The following LRFN2 variants were observed in gnomAD, a reference collection of about 807,000 sequenced individuals.
LRFN2 encodes leucine-rich repeat and fibronectin type-III domain-containing protein 2.
In LRFN2, 18 loss-of-function variants were observed where a neutral mutation model predicts 37.3. The observed-to-expected ratio is 0.48, with a 90% confidence interval of 0.33 to 0.72. LRFN2 has a LOEUF of 0.72. Among genes scored for constraint, LRFN2 ranks in the 30% least tolerant of loss-of-function variants. The probability of loss-of-function intolerance (pLI) is 0.02; values close to 1 mark genes in which losing one functional copy is unlikely to be tolerated. For missense variants in LRFN2, 1,006 were observed against 1,060.7 expected, an observed-to-expected ratio of 0.95 and a Z score of 0.72; for synonymous variants, 556 against 466.6, an observed-to-expected ratio of 1.19 and a Z score of -2.47.
intron 2 of LRFN2, among the ~76,000 whole-genome samples, chr6:40,427,381 C>T (rs191617931): frequency 2.0e-4 from 30 of 152,330 alleles, no homozygotes; most frequent in Admixed American, 1.6e-3. Context: ...ATGACTGTGA[C>T]GTGCTCTGTT....
Position 40,432,395 on chromosome 6 carries a change from C to T in LRFN2, c.719G>A (p.Gly240Glu). 1 of 1,614,128 alleles carries T rather than the reference C, an allele frequency of 6.2e-7. No individual in the cohort carries two copies. The highest frequency in any genetic ancestry group is 8.5e-7 in the Non-Finnish European group (1 of 1,180,036). Residue 240 changes from glycine (G) to glutamate (E), a missense_variant, in exon 2 of 3, where the codon GGG becomes GAG. This residue lies in a region of LRFN2 where 303 missense variants were observed against 299.8 expected (regional missense o/e 1.01). Transcript: ENST00000338305. ...ACAATTGCAGTGAAGTGGGTTACCC[C>T]CAAAACTAAAGGACAAGGGTGGGGC... The part of the protein sequence containing the change: ...PFAPPLSFSF[G>E]GNPLHCNCEL...
In LRFN2 at chr6:40,392,260, C is replaced by T; in HGVS notation, c.2053G>A (p.Gly685Arg). Residue 685 changes from glycine to arginine, a missense_variant, in exon 3 of 3, where the codon GGG becomes AGG. This residue lies in a region of LRFN2 where 398 missense variants were observed against 327.6 expected (regional missense o/e 1.21). Coordinates refer to ENST00000338305, the MANE Select transcript of LRFN2 (RefSeq NM_020737.3). The surrounding 1 kb of genome is among the most constrained non-coding windows in gnomAD (Gnocchi z 4.7). ...GAGTGGTGGCCCCGGGCCGACGTCC[C>T]AGCCCCTCTCCCGGCTGGAGTCCTG... ...DSRTPAGRGA[G>R]TSARGHHSDR... 1 of 1,593,688 alleles carries T rather than the reference C, an allele frequency of 6.3e-7. No homozygotes were observed. Among genetic ancestry groups the T allele is most frequent in the African/African-American group, 1.3e-5 (1 of 74,562 alleles).
intron 1 of LRFN2, among the ~76,000 whole-genome samples, chr6:40,443,968 G>T (rs1326192767): frequency 1.3e-5 from 2 of 152,156 alleles, no homozygotes; most frequent in Non-Finnish European, 2.9e-5. Context: ...GACAACCTAG[G>T]GCTGGGAGGG....
In LRFN2 at chr6:40,521,716, G is replaced by A. The variant is rs1655356; in HGVS notation, c.-19+65225C>T. Among the ~76,000 whole-genome samples the A allele has an allele frequency of 2.1e-3, 321 of 152,212 alleles. 2 individuals are homozygous for A. Among genetic ancestry groups the A allele is most frequent in the African/African-American group, 7.1e-3 (293 of 41,520 alleles). The stretch of plus-strand genomic sequence containing the variant: ...CTCAGGCTGGGCTGTACTGTATCAC[G>A]TGCTGGCAATGTCACCTTGACCCAC... On this transcript the variant is annotated intron_variant, in intron 1 of 2. Transcript: ENST00000338305.
intron 1 of LRFN2, among the ~76,000 whole-genome samples, chr6:40,434,430 CTGAT>C (rs1247966335): frequency 6.6e-6 from 1 of 151,846 alleles, no homozygotes; most frequent in East Asian, 1.9e-4. Flanking sequence ...ATGCAGCACA[CTGAT>C]TGTGTAGCAT....
At position 40,395,264 on chromosome 6, in the gene LRFN2, A is replaced by G. The variant is rs538000475; in HGVS notation, c.1401-2352T>C. Among the ~76,000 whole-genome samples the G allele has an allele frequency of 2.2e-4, 33 of 152,316 alleles. No homozygotes were observed. In the South Asian group the frequency reaches 6.8e-3, roughly 32 times the overall value. On this transcript the variant is annotated intron_variant, in intron 2 of 2. Transcript: ENST00000338305. The stretch of plus-strand genomic sequence containing the variant: ...ATCTGCCTGAGGTCACACAGCTGGG[A>G]CTGCTAGTATGCAGCAGTTGAGACC...
At chr6:40,514,230 T>C (rs1298292899) in intron 1 of LRFN2, among the ~76,000 whole-genome samples, 2 of 152,028 alleles carry the variant, frequency 1.3e-5, no homozygotes, top group Admixed American at 1.3e-4. Flanking sequence ...ATGCTCCAGA[T>C]AGTTTTGACC....
At chr6:40,454,525 T>C (rs1764194138) in intron 1 of LRFN2, among the ~76,000 whole-genome samples, 1 of 152,010 alleles carries the variant, frequency 6.6e-6, no homozygotes, top group African/African-American at 2.4e-5. Flanking sequence ...CTGGAGGGGG[T>C]ACGTGCAGAA....
chr6:40,505,782 T>A (rs953609355), intron 1 of LRFN2, among the ~76,000 whole-genome samples: 2 of 152,204 alleles, frequency 1.3e-5, no homozygotes, highest in Non-Finnish European at 2.9e-5. Flanking sequence ...TGTCTTAAGA[T>A]CATGCCTCCT....
chr6:40,397,631 T>G (rs1762643299), intron 2 of LRFN2, among the ~76,000 whole-genome samples: 1 of 152,140 alleles, frequency 6.6e-6, no homozygotes, highest in Admixed American at 6.5e-5. Context: ...CTTGCCCAGG[T>G]AGGAAAACAC....
chr6:40,536,965 C>T lies in LRFN2; in HGVS notation c.-19+49976G>A, dbSNP rs75943661. ...ACCTCCAAGCTTTCTTAAACCTCAC[C>T]ACAACACAATGAGATAGGGTTATTA... is the stretch of plus-strand genomic sequence containing the variant. On this transcript the variant is annotated intron_variant, in intron 1 of 2. Transcript: ENST00000338305. 5.0e-3 allele frequency among the ~76,000 whole-genome samples: 763 copies of T among 152,288 alleles called. 9 individuals carry two copies. Among genetic ancestry groups the T allele is most frequent in the African/African-American group, 0.017 (719 of 41,548 alleles).
chr6:40,457,410 A>G (rs919358346), intron 1 of LRFN2, among the ~76,000 whole-genome samples: 3 of 151,898 alleles, frequency 2.0e-5, no homozygotes, highest in Non-Finnish European at 4.4e-5. Flanking sequence ...ATGTATAAAT[A>G]TTTTCTGTTA....
intron 1 of LRFN2, among the ~76,000 whole-genome samples, chr6:40,446,835 C>T (rs868701032): frequency 7.9e-5 from 12 of 152,310 alleles, no homozygotes; most frequent in Admixed American, 2.6e-4. Context: ...TGTGTCCCCC[C>T]TCAGACTGGG....
chr6:40,497,395 C>T (rs891662542), intron 1 of LRFN2, among the ~76,000 whole-genome samples: 1 of 152,138 alleles, frequency 6.6e-6, no homozygotes, highest in Admixed American at 6.5e-5. Flanking sequence ...TCTGCTCTGC[C>T]CCCCATTCTC....
chr6:40,580,402 C>A (rs1261776538), intron 1 of LRFN2, among the ~76,000 whole-genome samples: 1 of 151,816 alleles, frequency 6.6e-6, no homozygotes, highest in Non-Finnish European at 1.5e-5. Flanking sequence ...GTGTGTGAAT[C>A]TCCCTGGTCC....
At chr6:40,458,218 T>G (rs761357506) in intron 1 of LRFN2, among the ~76,000 whole-genome samples, 1 of 152,204 alleles carries the variant, frequency 6.6e-6, no homozygotes, top group Non-Finnish European at 1.5e-5. Flanking sequence ...GAGGAACAGA[T>G]GAAACCACTG....
intron 1 of LRFN2, among the ~76,000 whole-genome samples, chr6:40,456,432 G>A (rs919451508): frequency 1.3e-5 from 2 of 152,222 alleles, no homozygotes; most frequent in Non-Finnish European, 2.9e-5. Flanking sequence ...GTATGTCGAT[G>A]ACATGTGTTT....
intron 1 of LRFN2, among the ~76,000 whole-genome samples, chr6:40,444,079 CTT>C (rs1763907233): frequency 6.6e-6 from 1 of 152,190 alleles, no homozygotes; most frequent in Non-Finnish European, 1.5e-5. Context: ...GGTAAGGAAA[CTT>C]GCATGTAGTT....
intron 1 of LRFN2, among the ~76,000 whole-genome samples, chr6:40,579,857 T>TA (rs35184762): frequency 0.45 from 68,791 of 151,978 alleles, 15,939 homozygotes; most frequent in Middle Eastern, 0.56. Context: ...GGCATTCAAT[T>TA]AATGCTTGCT....
Sources: gnomAD v4.1 joint callset for allele counts (sites outside exome capture counted in the v4.1 genomes callset) on GRCh38, gnomAD v4.1.1 for gene constraint, gnomAD v4.1.1 regional missense constraint, Gnocchi (gnomAD v3.1) non-coding constraint, MANE v1.5 for transcripts, NCBI Gene and HGNC (gene_info 2026-07-23, HGNC 2026-07-21) for gene names.